PLCH1: variants seen among roughly 807,000 people sequenced by gnomAD.
The protein encoded by PLCH1 is 1-phosphatidylinositol 4,5-bisphosphate phosphodiesterase eta-1.
Under a neutral mutation model 126.7 loss-of-function variants are expected in PLCH1, and 60 were observed. That is an observed-to-expected ratio of 0.47 (90% CI 0.38 to 0.59). PLCH1 has a LOEUF of 0.59. PLCH1 is among the 20% of genes least tolerant of loss of function. The pLI is 0.00. For missense variants in PLCH1, 1,723 were observed against 2,040.0 expected (o/e 0.84, Z 2.99); for synonymous variants, 719 against 734.9 (o/e 0.98, Z 0.35).
chr3:155,476,936 T>C (rs1400698716), downstream of PLCH1, among the ~76,000 whole-genome samples: 1 of 151,700 alleles, frequency 6.6e-6, no homozygotes, highest in African/African-American at 2.4e-5. Flanking sequence ...AGACCCAGAG[T>C]AGCCAAAGGT....
Position 155,585,990 on chromosome 3 carries a change from G to A in PLCH1, c.600+75C>T, listed in dbSNP as rs359558. ...TATTAGCTTCCAACAAAACAAAATAGCTTTTTAATATACCTAAGTATGTTA... is the reference window on the plus strand; with the variant it reads ...TATTAGCTTCCAACAAAACAAAATAACTTTTTAATATACCTAAGTATGTTA... On this transcript the variant is annotated intron_variant, in intron 5 of 22. Transcript: ENST00000460012. The A allele has an allele frequency of 2.3e-6, 3 of 1,312,070 alleles. No individual in the cohort carries two copies. The Admixed American group carries it at 5.5e-5, about 24-fold the overall frequency. The allele number at this position is 1,312,070 out of a possible 1,614,324, so 81.3% of individuals were successfully genotyped here.
rs533204760 is a variant in PLCH1 at position 155,739,209 on chromosome 3, T to C, written c.-41+5631A>G. On this transcript the variant is annotated intron_variant, in intron 1 of 22. Coordinates refer to ENST00000460012, the MANE Select transcript of PLCH1 (RefSeq NM_014996.4). ...GTCCAAGGCAATTCTCATCTCCAGT[T>C]TGAAAAACATTGCAAAACACTACCC... is the stretch of plus-strand genomic sequence containing the variant. Among the ~76,000 whole-genome samples the C allele has an allele frequency of 4.6e-5, 7 of 152,314 alleles. No individual in the cohort carries two copies. The East Asian group carries it at 9.6e-4, about 21-fold the overall frequency.
At chr3:155,695,040 G>A (rs1330227303) in intron 2 of PLCH1, among the ~76,000 whole-genome samples, 1 of 150,452 alleles carries the variant, frequency 6.6e-6, no homozygotes, top group Non-Finnish European at 1.5e-5. Context: ...CTGGACTGGA[G>A]ATTTTCAGAC....
chr3:155,663,646 G>A (rs375712593), intron 2 of PLCH1, among the ~76,000 whole-genome samples: 10 of 152,076 alleles, frequency 6.6e-5, no homozygotes, highest in African/African-American at 2.4e-4. Context: ...TGTGCCTCAC[G>A]CAGGGGCTAT....
At chr3:155,466,367 C>T (rs1360893441) in intron 21 of PLCH1, among the ~76,000 whole-genome samples, 1 of 152,162 alleles carries the variant, frequency 6.6e-6, no homozygotes, top group Non-Finnish European at 1.5e-5. Context: ...GAGAATTCTC[C>T]TGGATCTTGT....
Position 155,492,773 on chromosome 3 carries a change from G to A in PLCH1, c.2263C>T (p.Gln755Ter). 6.2e-7 allele frequency: 1 copy of A among 1,607,044 alleles called. No individual in the cohort carries two copies. Among genetic ancestry groups the A allele is most frequent in the Non-Finnish European group, 8.5e-7 (1 of 1,177,096 alleles). ...ATGGAGTCTGGAGGTTTGGGGAGTT[G>A]CTGTCCACTGATAACTTTCAGGATG... ...QLILKVISGQ[Q>*]LPKPPDSMFG... The change falls in exon 18 of 23, where the codon CAA becomes TAA. Residue 755 changes from glutamine to a stop codon, truncating the protein, a stop_gained. Coordinates refer to ENST00000460012, the MANE Select transcript of PLCH1 (RefSeq NM_014996.4). LOFTEE classifies it high-confidence loss of function.
intron 2 of PLCH1, among the ~76,000 whole-genome samples, chr3:155,662,604 C>G (rs929781439): frequency 8.6e-5 from 13 of 151,852 alleles, no homozygotes; most frequent in African/African-American, 3.1e-4. Context: ...ATACCCCCAG[C>G]CCCAGTGGGA....
chr3:155,454,201 T>C (rs1296823418), intron 21 of PLCH1, among the ~76,000 whole-genome samples: 1 of 152,128 alleles, frequency 6.6e-6, no homozygotes, highest in Non-Finnish European at 1.5e-5. Flanking sequence ...GCCAATACCA[T>C]GGCACCAGCT....
chr3:155,597,736 A>G (rs1320391306), intron 2 of PLCH1, among the ~76,000 whole-genome samples: 1 of 152,178 alleles, frequency 6.6e-6, no homozygotes, highest in Non-Finnish European at 1.5e-5. Flanking sequence ...AATGTTCACA[A>G]TTTACTCCAT....
At chr3:155,489,524 C>T (rs914695208) in intron 19 of PLCH1, among the ~76,000 whole-genome samples, 1 of 152,090 alleles carries the variant, frequency 6.6e-6, no homozygotes, top group African/African-American at 2.4e-5. Flanking sequence ...GTGCCCAAGG[C>T]CACACAAGGC....
At chr3:155,721,124 T>C (rs1459682064) in intron 1 of PLCH1, among the ~76,000 whole-genome samples, 1 of 152,242 alleles carries the variant, frequency 6.6e-6, no homozygotes, top group African/African-American at 2.4e-5. Flanking sequence ...TATGGCCTTG[T>C]AGTATAGCTT....
At chr3:155,453,238 A>G (rs999312669) in intron 21 of PLCH1, among the ~76,000 whole-genome samples, 3 of 152,214 alleles carry the variant, frequency 2.0e-5, no homozygotes, top group Non-Finnish European at 4.4e-5. Flanking sequence ...GAAATCAAGA[A>G]GATATGTCAA....
chr3:155,479,792 C>T (rs1462937945), downstream of PLCH1: 4 of 152,094 alleles, frequency 2.6e-5, no homozygotes, highest in South Asian at 2.1e-4. Context: ...TCTATTTTGT[C>T]GCAAACACAT....
At chr3:155,479,248 A>C (rs762705008), downstream of PLCH1, among the ~76,000 whole-genome samples, 2 of 152,174 alleles carry the variant, frequency 1.3e-5, no homozygotes, top group Non-Finnish European at 2.9e-5. Context: ...CTTAAAAACA[A>C]ACCAAGGTCT....
chr3:155,546,731 G>C (rs1308050765), intron 10 of PLCH1, among the ~76,000 whole-genome samples: 1 of 148,890 alleles, frequency 6.7e-6, no homozygotes, highest in Non-Finnish European at 1.5e-5. Context: ...CAGAAATAAC[G>C]CCCCATGTCT....
intron 10 of PLCH1, among the ~76,000 whole-genome samples, chr3:155,544,398 T>A (rs1249640832): frequency 6.6e-6 from 1 of 151,992 alleles, no homozygotes; most frequent in East Asian, 1.9e-4. Context: ...AAGTCCTGAG[T>A]GACCTACAAA....
intron 2 of PLCH1, among the ~76,000 whole-genome samples, chr3:155,647,228 T>A (rs910173897): frequency 2.0e-5 from 3 of 152,188 alleles, no homozygotes; most frequent in Middle Eastern, 3.4e-3. Context: ...ATGCATGTAT[T>A]CTTAACCTGA....
chr3:155,701,472 T>C (rs1386723212), intron 2 of PLCH1, among the ~76,000 whole-genome samples: 1 of 152,194 alleles, frequency 6.6e-6, no homozygotes, highest in Non-Finnish European at 1.5e-5. Flanking sequence ...AATTTATACA[T>C]CCAAGTCTGC....
chr3:155,557,860 C>T (rs1209341560), intron 8 of PLCH1, among the ~76,000 whole-genome samples: 1 of 152,038 alleles, frequency 6.6e-6, no homozygotes, highest in Non-Finnish European at 1.5e-5. Flanking sequence ...GATAGCACTC[C>T]CAGAGATAAC....
Sources: gnomAD v4.1 joint callset for allele counts (sites outside exome capture counted in the v4.1 genomes callset) on GRCh38, gnomAD v4.1.1 for gene constraint, MANE v1.5 for transcripts, NCBI Gene and HGNC (gene_info 2026-07-23, HGNC 2026-07-21) for gene names.